CNTN1: variants seen among roughly 807,000 people sequenced by gnomAD.
CNTN1 encodes the protein contactin-1.
Under a neutral mutation model 126.4 loss-of-function variants are expected in CNTN1, and 38 were observed. That is an observed-to-expected ratio of 0.30 (90% CI 0.23 to 0.39). CNTN1 has a LOEUF of 0.39. Among genes scored for constraint, CNTN1 ranks in the 10% least tolerant of loss-of-function variants. CNTN1 has a pLI of 1.00. For synonymous variants in CNTN1, 413 were observed against 422.6 expected (o/e 0.98, Z 0.28); for missense variants, 1,009 against 1,248.4 (o/e 0.81, Z 2.89).
intron 1 of CNTN1, among the ~76,000 whole-genome samples, chr12:40,790,201 C>A (rs1034894246): frequency 6.6e-6 from 1 of 152,066 alleles, no homozygotes; most frequent in African/African-American, 2.4e-5. Context: ...AAGGTCCAGA[C>A]CCAATTGGCC....
intron 23 of CNTN1, among the ~76,000 whole-genome samples, chr12:41,055,528 A>G (rs1039123222): frequency 2.0e-5 from 3 of 152,072 alleles, no homozygotes; most frequent in Non-Finnish European, 4.4e-5. Flanking sequence ...ACCGTACTAC[A>G]GTTGTGGTTT....
chr12:40,795,661 T>G (rs952152814), intron 1 of CNTN1, among the ~76,000 whole-genome samples: 5 of 152,122 alleles, frequency 3.3e-5, no homozygotes, highest in Non-Finnish European at 5.9e-5. Flanking sequence ...TAACAAGTTT[T>G]AAACAAAACT....
chr12:40,984,926 A>ATATACTATATATAT (rs1947916225), intron 16 of CNTN1, among the ~76,000 whole-genome samples: 1 of 152,156 alleles, frequency 6.6e-6, no homozygotes, highest in East Asian at 1.9e-4. Context: ...AAGAGAAGAT[A>ATATACTATATATAT]GAAGAAAAAA....
At chr12:40,898,643 G>A (rs1944497785) in intron 1 of CNTN1, among the ~76,000 whole-genome samples, 1 of 152,106 alleles carries the variant, frequency 6.6e-6, no homozygotes, top group Non-Finnish European at 1.5e-5. Flanking sequence ...TGTATTCAAT[G>A]ACTCTTTTAC....
chr12:41,028,022 A>G, intron 22 of CNTN1, 53 bp downstream of exon 22: 1 of 1,285,262 alleles, frequency 7.8e-7, no homozygotes, highest in Non-Finnish European at 1.1e-6. Context: ...TTTCAGTGAA[A>G]CCCAAGATGG....
intron 1 of CNTN1, among the ~76,000 whole-genome samples, chr12:40,830,707 G>A (rs1941780944): frequency 6.9e-6 from 1 of 145,870 alleles, no homozygotes; most frequent in Non-Finnish European, 1.5e-5. Flanking sequence ...TACTGATAGA[G>A]CTAAAATATA....
intron 23 of CNTN1, among the ~76,000 whole-genome samples, chr12:41,064,915 A>G (rs1164237427): frequency 9.2e-5 from 14 of 152,178 alleles, no homozygotes; most frequent in Admixed American, 9.2e-4. Flanking sequence ...TACCCAGATT[A>G]TGCAGCCAGT....
At chr12:40,700,575 A>C (rs1179539997) in intron 1 of CNTN1, among the ~76,000 whole-genome samples, 6 of 152,152 alleles carry the variant, frequency 3.9e-5, no homozygotes, top group Non-Finnish European at 8.8e-5. Flanking sequence ...TGTTTAGTAG[A>C]CAATGTTCAA....
At position 40,936,912 on chromosome 12, in the gene CNTN1, A is replaced by G. The variant is rs1946101839; in HGVS notation, c.1110+7A>G. On this transcript the variant is annotated splice_region_variant and intron_variant, in intron 10 of 23. Coordinates refer to ENST00000551295, the MANE Select transcript of CNTN1 (RefSeq NM_001843.4). ...GTTGAAAAATGGATATGCGGTATGT[A>G]TGTTCAAGTGCTTTGCTGTTCCTGA... The G allele has an allele frequency of 1.9e-6, 3 of 1,612,600 alleles. No individual in the cohort carries two copies. Among genetic ancestry groups the G allele is most frequent in the Non-Finnish European group, 1.7e-6 (2 of 1,178,940 alleles).
intron 19 of CNTN1, among the ~76,000 whole-genome samples, chr12:41,019,009 A>G (rs192365276): frequency 1.1e-4 from 17 of 152,262 alleles, no homozygotes; most frequent in Non-Finnish European, 2.2e-4. Flanking sequence ...ATACAAAATT[A>G]GCCAGGTGTT....
intron 1 of CNTN1, among the ~76,000 whole-genome samples, chr12:40,892,265 G>A (rs780704045): frequency 6.6e-6 from 1 of 152,064 alleles, no homozygotes; most frequent in Non-Finnish European, 1.5e-5. Flanking sequence ...AGCTACAGTG[G>A]AAATGAGCTT....
chr12:40,915,075 A>G (rs561218130), intron 3 of CNTN1, among the ~76,000 whole-genome samples: 1 of 152,090 alleles, frequency 6.6e-6, no homozygotes, highest in African/African-American at 2.4e-5. Context: ...ACATATTCTC[A>G]GTTTTCTGAA....
chr12:41,038,891 G>A (rs1337843636), intron 23 of CNTN1, among the ~76,000 whole-genome samples: 1 of 151,968 alleles, frequency 6.6e-6, no homozygotes, highest in Non-Finnish European at 1.5e-5. Flanking sequence ...ATAAGGAAAT[G>A]CTTGAAAAAA....
At chr12:40,973,633 T>C (rs1263755539) in intron 15 of CNTN1, among the ~76,000 whole-genome samples, 1 of 152,176 alleles carries the variant, frequency 6.6e-6, no homozygotes, top group African/African-American at 2.4e-5. Context: ...CACCAGTGTT[T>C]TTCCTACTTA....
At chr12:40,910,436 A>G (rs1360583078) in intron 3 of CNTN1, among the ~76,000 whole-genome samples, 1 of 152,192 alleles carries the variant, frequency 6.6e-6, no homozygotes, top group African/African-American at 2.4e-5. Context: ...CTTATTTTTG[A>G]AAGCCTCTTG....
intron 1 of CNTN1, among the ~76,000 whole-genome samples, chr12:40,786,893 G>T (rs947261575): frequency 6.6e-6 from 1 of 151,886 alleles, no homozygotes; most frequent in Non-Finnish European, 1.5e-5. Context: ...TTATTTAACC[G>T]GCCTCATTAT....
rs967383840 is a variant in CNTN1, at chr12:40,933,682, A to G, written c.804-15A>G. On this transcript the variant is annotated splice_polypyrimidine_tract_variant and intron_variant, in intron 8 of 23. Transcript: ENST00000551295. The stretch of plus-strand genomic sequence containing the variant: ...AAGTGTGTGAAACTTTAACCCTTGT[A>G]TCTTCTATTTAAAGTCCTGTTCCGG... 1.2e-6 allele frequency: 2 copies of G among 1,610,796 alleles called. No individual in the cohort carries two copies. The highest frequency in any genetic ancestry group is 1.7e-6 in the Non-Finnish European group (2 of 1,177,286).
intron 1 of CNTN1, among the ~76,000 whole-genome samples, chr12:40,768,461 A>G (rs1417760902): frequency 6.6e-6 from 1 of 152,236 alleles, no homozygotes; most frequent in African/African-American, 2.4e-5. Context: ...GAAAATGGCC[A>G]AGACGTGATC....
At chr12:40,850,933 T>C (rs1417291692) in intron 1 of CNTN1, among the ~76,000 whole-genome samples, 1 of 152,190 alleles carries the variant, frequency 6.6e-6, no homozygotes, top group Non-Finnish European at 1.5e-5. Context: ...CATTTTGAGG[T>C]TTACAAAAAC....
Sources: gnomAD v4.1 joint callset for allele counts (sites outside exome capture counted in the v4.1 genomes callset) on GRCh38, gnomAD v4.1.1 for gene constraint, MANE v1.5 for transcripts, NCBI Gene and HGNC (gene_info 2026-07-23, HGNC 2026-07-21) for gene names.